The following B4GALT6 variants were observed in gnomAD, a reference collection of about 807,000 sequenced individuals.
B4GALT6 encodes the protein beta-1,4-galactosyltransferase 6.
A neutral mutation model predicts 46.3 loss-of-function variants in B4GALT6; 14 were observed. The observed-to-expected ratio is 0.30, with a 90% CI of 0.20 to 0.47. The LOEUF (loss-of-function observed/expected upper bound fraction) is 0.47, where lower values mean the gene tolerates loss of function less well. Among genes scored for constraint, B4GALT6 ranks in the 20% least tolerant of loss-of-function variants. B4GALT6 has a pLI of 0.99. For missense variants in B4GALT6, 386 were observed against 480.1 expected, an observed-to-expected ratio of 0.80 and a Z score of 1.83; for synonymous variants, 168 against 162.0, an observed-to-expected ratio of 1.04 and a Z score of -0.28.
At chr18:31,718,330 C>T in the B4GALT6 span, among the ~76,000 whole-genome samples, 5 of 152,350 alleles carry the variant, frequency 3.3e-5, no homozygotes, top group African/African-American at 1.2e-4. Context: ...GCTCCAACAA[C>T]AGCCATCTGT....
At chr18:31,640,599 G>A (rs1435735490) in intron 4 of B4GALT6, among the ~76,000 whole-genome samples, 9 of 152,154 alleles carry the variant, frequency 5.9e-5, no homozygotes, top group Non-Finnish European at 1.5e-5. Flanking sequence ...CAAATGGTAG[G>A]AACTAAAGAG....
chr18:31,629,933 T>C (rs1207322435), intron 6 of B4GALT6, among the ~76,000 whole-genome samples: 1 of 147,636 alleles, frequency 6.8e-6, no homozygotes, highest in East Asian at 2.0e-4. Flanking sequence ...AAAGTTCAGA[T>C]ACAGAGGTAA....
the B4GALT6 span, among the ~76,000 whole-genome samples, chr18:31,710,094 CA>C: frequency 0.02 from 2,141 of 107,386 alleles, 41 homozygotes; most frequent in African/African-American, 0.061. Flanking sequence ...GACTTTATCT[CA>C]AAAAAAAAAA....
rs2073652731 is a variant in B4GALT6, at chr18:31,623,981, T to C, written c.*1633A>G. 1 of 152,106 alleles carries C rather than the reference T, an allele frequency of 6.6e-6. No individual in the cohort carries two copies. The highest frequency in any genetic ancestry group is 2.1e-4 in the South Asian group (1 of 4,832). The allele number at this position is 152,106 out of a possible 1,614,324, so 9.4% of individuals were successfully genotyped here. Reference sequence around the variant, plus strand: ...TTGTTGAACATTCACTTTATAGATATTTAATTTTTTGTTTAAAATTTGTGA... The same window carrying C: ...TTGTTGAACATTCACTTTATAGATACTTAATTTTTTGTTTAAAATTTGTGA... On this transcript the variant is annotated 3_prime_UTR_variant, in exon 9 of 9. Coordinates refer to ENST00000306851, the MANE Select transcript of B4GALT6 (RefSeq NM_004775.5).
At chr18:31,666,894 G>C (rs2074289449) in intron 1 of B4GALT6, among the ~76,000 whole-genome samples, 1 of 152,022 alleles carries the variant, frequency 6.6e-6, no homozygotes, top group Admixed American at 6.6e-5. Context: ...GTATCTGTTT[G>C]GGTCATTTCT....
chr18:31,659,130 C>A (rs1405513548), intron 2 of B4GALT6, among the ~76,000 whole-genome samples: 2 of 152,166 alleles, frequency 1.3e-5, no homozygotes, highest in African/African-American at 4.8e-5. Flanking sequence ...TCCTGGATCA[C>A]AAACAATGTA....
chr18:31,675,359 C>T (rs1164778595), intron 1 of B4GALT6, among the ~76,000 whole-genome samples: 1 of 152,152 alleles, frequency 6.6e-6, no homozygotes, highest in African/African-American at 2.4e-5. Context: ...AGTTAAGGGG[C>T]CATCTGGCTT....
intron 1 of B4GALT6, among the ~76,000 whole-genome samples, chr18:31,668,096 CAA>C (rs111596996): frequency 2.4e-4 from 18 of 75,676 alleles, no homozygotes; most frequent in Admixed American, 4.5e-4. Context: ...GACTCCATCT[CAA>C]AAAAAAAAAA....
At chr18:31,644,831 A>G (rs2073972511) in intron 4 of B4GALT6, among the ~76,000 whole-genome samples, 1 of 152,230 alleles carries the variant, frequency 6.6e-6, no homozygotes, top group Non-Finnish European at 1.5e-5. Context: ...CCAAAGTCCA[A>G]CTTTTCAAGT....
At chr18:31,708,417 TG>T in the B4GALT6 span, among the ~76,000 whole-genome samples, 13 of 152,140 alleles carry the variant, frequency 8.5e-5, no homozygotes, top group African/African-American at 3.1e-4. Context: ...ATACAAAAAT[TG>T]GCCAGGTGTG....
At chr18:31,719,818 C>T in the B4GALT6 span, among the ~76,000 whole-genome samples, 1 of 152,002 alleles carries the variant, frequency 6.6e-6, no homozygotes, top group Non-Finnish European at 1.5e-5. Flanking sequence ...CAGAACTGGT[C>T]GAGCCAGATT....
the B4GALT6 span, among the ~76,000 whole-genome samples, chr18:31,697,193 G>A: frequency 3.3e-5 from 5 of 152,130 alleles, no homozygotes; most frequent in East Asian, 1.9e-4. Flanking sequence ...GATCACCTGA[G>A]CTTGGTAGGT....
the B4GALT6 span, among the ~76,000 whole-genome samples, chr18:31,721,702 A>T: frequency 6.6e-6 from 1 of 152,228 alleles, no homozygotes; most frequent in South Asian, 2.1e-4. Flanking sequence ...AGGCTGAAAC[A>T]TAGGTGTCTT....
chr18:31,670,374 G>A (rs1022157901), intron 1 of B4GALT6, among the ~76,000 whole-genome samples: 14 of 152,028 alleles, frequency 9.2e-5, no homozygotes, highest in African/African-American at 3.4e-4. Flanking sequence ...ATTTTTTATG[G>A]TACCTCTAAC....
chr18:31,634,941 C>A (rs920947109), intron 5 of B4GALT6, among the ~76,000 whole-genome samples: 26 of 152,154 alleles, frequency 1.7e-4, no homozygotes, highest in African/African-American at 6.3e-4. Flanking sequence ...TTCTCAGGAC[C>A]ATATGCCTTT....
intron 3 of B4GALT6, among the ~76,000 whole-genome samples, chr18:31,647,614 G>A (rs75881176): frequency 1.1e-4 from 17 of 152,252 alleles, no homozygotes; most frequent in East Asian, 9.6e-4. Context: ...GAGCAACATC[G>A]CTATACTGGG....
At chr18:31,724,396 A>G in the B4GALT6 span, 4 of 1,097,210 alleles carry the variant, frequency 3.6e-6, no homozygotes, top group Admixed American at 3.8e-5. Flanking sequence ...CCTGGGGCCA[A>G]CTTAGCCCTG....
intron 5 of B4GALT6, among the ~76,000 whole-genome samples, chr18:31,631,673 T>C (rs190033117): frequency 5.3e-5 from 8 of 152,300 alleles, no homozygotes; most frequent in African/African-American, 1.9e-4. Context: ...GCTTTCCATA[T>C]GCTGTCAAGA....
chr18:31,669,984 A>G (rs2074331077), intron 1 of B4GALT6, among the ~76,000 whole-genome samples: 1 of 152,184 alleles, frequency 6.6e-6, no homozygotes, highest in Non-Finnish European at 1.5e-5. Context: ...CATTATATGC[A>G]TTATTATGTT....
Sources: gnomAD v4.1 joint callset for allele counts (sites outside exome capture counted in the v4.1 genomes callset) on GRCh38, gnomAD v4.1.1 for gene constraint, MANE v1.5 for transcripts, NCBI Gene and HGNC (gene_info 2026-07-23, HGNC 2026-07-21) for gene names.